Variants in CHRNA7 observed in about 807,000 individuals in gnomAD.
CHRNA7 encodes the protein neuronal acetylcholine receptor subunit alpha-7.
A neutral mutation model predicts 48.0 loss-of-function variants in CHRNA7; 17 were observed. The observed-to-expected ratio is 0.35, with a 90% CI of 0.24 to 0.53. The LOEUF (loss-of-function observed/expected upper bound fraction) is 0.53, where lower values mean the gene tolerates loss of function less well. Among genes scored for constraint, CHRNA7 ranks in the 20% least tolerant of loss-of-function variants. The probability of loss-of-function intolerance (pLI) is 0.92; values close to 1 mark genes in which losing one functional copy is unlikely to be tolerated. For synonymous variants in CHRNA7, 75 were observed against 242.3 expected (o/e 0.31, Z 6.41); for missense variants, 155 against 577.7 (o/e 0.27, Z 7.50).
At chr15:32,118,641 T>A (rs1021495897) in intron 4 of CHRNA7, among the ~76,000 whole-genome samples, 1 of 152,194 alleles carries the variant, frequency 6.6e-6, no homozygotes. Flanking sequence ...TTGTTTTTAA[T>A]TTGTTCATTC....
intron 2 of CHRNA7, among the ~76,000 whole-genome samples, chr15:32,069,761 C>T (rs1228764356): frequency 2.6e-5 from 4 of 151,988 alleles, no homozygotes; most frequent in Admixed American, 2.0e-4. Flanking sequence ...TGTGTCCAAA[C>T]CTTCTTATAT....
rs909401734 is a variant in CHRNA7 at position 32,049,084 on chromosome 15, G to T, written c.195+18047G>T. 2.0e-5 allele frequency among the ~76,000 whole-genome samples: 3 copies of T among 149,034 alleles called. No homozygotes were observed. In the South Asian group the frequency reaches 6.4e-4, roughly 32 times the overall value. ...CTTCCAGGTATGTGGTCAATTTTGG[G>T]ATAGGTGTGGTGTGGTGCTGAAAAA... On this transcript the variant is annotated intron_variant, in intron 2 of 9. Transcript: ENST00000306901.
At chr15:32,136,701 T>C (rs1191455453) in intron 4 of CHRNA7, among the ~76,000 whole-genome samples, 2 of 151,882 alleles carry the variant, frequency 1.3e-5, no homozygotes, top group Non-Finnish European at 2.9e-5. Flanking sequence ...TATATTTAAC[T>C]TCCAAACAAG....
chr15:32,031,452 T>C (rs1255089910), intron 2 of CHRNA7, among the ~76,000 whole-genome samples: 2 of 152,190 alleles, frequency 1.3e-5, no homozygotes, highest in African/African-American at 2.4e-5. Flanking sequence ...CTGCCGCCTA[T>C]GGTATGTAAC....
At chr15:32,104,296 T>C (rs1239876646) in intron 3 of CHRNA7, among the ~76,000 whole-genome samples, 2 of 151,952 alleles carry the variant, frequency 1.3e-5, no homozygotes, top group Non-Finnish European at 2.9e-5. Context: ...GCCTTTGCAC[T>C]GGCTGCTCTC....
chr15:32,142,818 T>C (rs770507094), intron 4 of CHRNA7, among the ~76,000 whole-genome samples: 10 of 152,204 alleles, frequency 6.6e-5, no homozygotes, highest in Non-Finnish European at 1.2e-4. Context: ...TTTTCTTCTT[T>C]ATTAGTCTTG....
intron 2 of CHRNA7, among the ~76,000 whole-genome samples, chr15:32,057,571 G>A (rs1397672818): frequency 1.3e-5 from 2 of 152,150 alleles, no homozygotes; most frequent in Non-Finnish European, 2.9e-5. Context: ...TTGGCCAAAA[G>A]CTTTAAAAAC....
At chr15:32,156,276 GATCCAACT>G (rs1222144377) in intron 5 of CHRNA7, 1 of 109,228 alleles carries the variant, frequency 9.2e-6, no homozygotes, top group East Asian at 2.2e-4. Context: ...GTTTTGGGGG[GATCCAACT>G]ATTAATGGAG....
chr15:32,098,314 G>A (rs561240261), intron 2 of CHRNA7, among the ~76,000 whole-genome samples: 2 of 152,320 alleles, frequency 1.3e-5, no homozygotes, highest in Admixed American at 1.3e-4. Flanking sequence ...AAAGGGGAGG[G>A]GACAGATGGA....
intron 3 of CHRNA7, chr15:32,101,686 G>A (rs2050576411): frequency 4.3e-6 from 1 of 234,634 alleles, no homozygotes; most frequent in Admixed American, 5.7e-5. Context: ...GGACTCAGAA[G>A]CTCCATCCCT....
chr15:32,057,922 A>G (rs1054599817), intron 2 of CHRNA7, among the ~76,000 whole-genome samples: 1 of 152,218 alleles, frequency 6.6e-6, no homozygotes, highest in Non-Finnish European at 1.5e-5. Context: ...TAAATTTCAG[A>G]CAGCCTGTAA....
chr15:32,048,210 T>C (rs185422554), intron 2 of CHRNA7, among the ~76,000 whole-genome samples: 1 of 152,220 alleles, frequency 6.6e-6, no homozygotes, highest in Non-Finnish European at 1.5e-5. Context: ...AGATTCCCTC[T>C]TTTTCTGTTG....
At chr15:32,096,647 A>G (rs970005467) in intron 2 of CHRNA7, among the ~76,000 whole-genome samples, 2 of 152,142 alleles carry the variant, frequency 1.3e-5, no homozygotes, top group Non-Finnish European at 1.5e-5. Flanking sequence ...ACAAAGGAAA[A>G]AGAAATAATG....
intron 2 of CHRNA7, among the ~76,000 whole-genome samples, chr15:32,086,222 A>G (rs1299293109): frequency 6.6e-6 from 1 of 152,028 alleles, no homozygotes; most frequent in South Asian, 2.1e-4. Flanking sequence ...ACAAAAAATT[A>G]GCTGGGCCTG....
intron 2 of CHRNA7, among the ~76,000 whole-genome samples, chr15:32,084,008 A>C (rs1595427884): frequency 6.6e-6 from 1 of 152,184 alleles, no homozygotes; most frequent in Non-Finnish European, 1.5e-5. Flanking sequence ...TTTTGGGCTG[A>C]AGAAGGGAGA....
At chr15:32,078,462 T>C (rs1430640300) in intron 2 of CHRNA7, among the ~76,000 whole-genome samples, 1 of 152,132 alleles carries the variant, frequency 6.6e-6, no homozygotes, top group African/African-American at 2.4e-5. Flanking sequence ...GCATCATGTC[T>C]TTTAAAGACT....
At chr15:32,061,050 A>G (rs927733362) in intron 2 of CHRNA7, among the ~76,000 whole-genome samples, 3 of 152,130 alleles carry the variant, frequency 2.0e-5, no homozygotes, top group Non-Finnish European at 2.9e-5. Context: ...GTTTCACAAT[A>G]AGCATGTTAT....
intron 2 of CHRNA7, among the ~76,000 whole-genome samples, chr15:32,046,687 G>T (rs1438608182): frequency 1.5e-5 from 2 of 136,504 alleles, no homozygotes; most frequent in African/African-American, 6.2e-5. Context: ...GATTCCATTT[G>T]TCAATTTTGG....
intron 4 of CHRNA7, among the ~76,000 whole-genome samples, chr15:32,114,246 G>A (rs1039971348): frequency 6.6e-6 from 1 of 151,550 alleles, no homozygotes; most frequent in African/African-American, 2.4e-5. Flanking sequence ...CTATGTGTAG[G>A]ATCTTTAACT....
Sources: allele counts gnomAD v4.1 joint callset (sites outside exome capture counted in the v4.1 genomes callset), GRCh38; gene constraint gnomAD v4.1.1; transcripts MANE v1.5; gene names NCBI Gene and HGNC (gene_info 2026-07-23, HGNC 2026-07-21).